The following PAFAH1B1 variants were observed in gnomAD, a reference collection of about 807,000 sequenced individuals.
The protein encoded by PAFAH1B1 is platelet-activating factor acetylhydrolase IB subunit beta.
In PAFAH1B1, 2 loss-of-function variants were observed where a neutral mutation model predicts 57.5. The ratio of observed to expected loss-of-function variants is 0.03; its 90% CI spans 0.01 to 0.11. PAFAH1B1 has a LOEUF of 0.11. PAFAH1B1 is among the 10% of genes least tolerant of loss of function. The probability of loss-of-function intolerance (pLI) is 1.00; values close to 1 mark genes in which losing one functional copy is unlikely to be tolerated. For missense variants in PAFAH1B1, 257 were observed against 512.0 expected (o/e 0.50, Z 4.81); for synonymous variants, 152 against 169.6 (o/e 0.90, Z 0.81).
At position 2,638,152 on chromosome 17, in the gene PAFAH1B1, G is replaced by T; in HGVS notation, c.-137G>T. 2 of 637,122 alleles carry T rather than the reference G, an allele frequency of 3.1e-6. No individual in the cohort carries two copies. The highest frequency in any genetic ancestry group is 2.9e-5 in the Admixed American group (1 of 34,222). 39.5% of individuals were successfully genotyped at this position (637,122 alleles called of 1,614,324 possible). On this transcript the variant is annotated 5_prime_UTR_variant, in exon 2 of 11. Coordinates refer to ENST00000397195, the MANE Select transcript of PAFAH1B1 (RefSeq NM_000430.4). ...TTCTGGTTACTAGTTGGATTCATTT[G>T]TGAAAGAATCATTTTCCCCTGTGTG... is the stretch of plus-strand genomic sequence containing the variant.
At chr17:2,676,790 G>A (rs1211821203) in intron 9 of PAFAH1B1, among the ~76,000 whole-genome samples, 184 bp downstream of exon 9, 1 of 152,178 alleles carries the variant, frequency 6.6e-6, no homozygotes, top group Admixed American at 6.5e-5. Flanking sequence ...TCTCTAGAAT[G>A]CAGATTCTAT....
At chr17:2,606,016 T>G (rs944214978) in intron 1 of PAFAH1B1, among the ~76,000 whole-genome samples, 1 of 152,224 alleles carries the variant, frequency 6.6e-6, no homozygotes, top group Non-Finnish European at 1.5e-5. Flanking sequence ...GAAATTATTC[T>G]TGAGCTGTAG....
At chr17:2,617,748 T>C (rs900798898) in intron 1 of PAFAH1B1, among the ~76,000 whole-genome samples, 5 of 151,664 alleles carry the variant, frequency 3.3e-5, no homozygotes, top group Admixed American at 6.6e-5. Flanking sequence ...TGAAACCCCC[T>C]GTCTCTACTA....
intron 1 of PAFAH1B1, among the ~76,000 whole-genome samples, chr17:2,630,167 C>CT (rs2068537827): frequency 6.6e-6 from 1 of 151,808 alleles, no homozygotes; most frequent in African/African-American, 2.4e-5. Context: ...TTGTTTTTTG[C>CT]TTTTGCTTTT....
At chr17:2,651,571 T>C (rs2068850008) in intron 2 of PAFAH1B1, among the ~76,000 whole-genome samples, 1 of 148,558 alleles carries the variant, frequency 6.7e-6, no homozygotes, top group South Asian at 2.1e-4. Flanking sequence ...GGTAACAGAG[T>C]GAGACTCCAT....
intron 1 of PAFAH1B1, among the ~76,000 whole-genome samples, chr17:2,596,695 A>C (rs2068087168): frequency 6.6e-6 from 1 of 152,178 alleles, no homozygotes; most frequent in Non-Finnish European, 1.5e-5. Context: ...GAAATGAGTA[A>C]GGTTGGGAAT....
At position 2,619,976 on chromosome 17, in the gene PAFAH1B1, A is replaced by T. The variant is rs190660345; in HGVS notation, c.-190-18123A>T. Among the ~76,000 whole-genome samples, 831 of 152,076 alleles carry T rather than the reference A, an allele frequency of 5.5e-3. 3 individuals carry two copies. The highest frequency in any genetic ancestry group is 0.017 in the Middle Eastern group (5 of 292). ...ATTTTTTTATTATTATTCTTTGTGG[A>T]GATGTGGTCTTGCTGTGTTGCCCAG... On this transcript the variant is annotated intron_variant, in intron 1 of 10. Transcript: ENST00000397195.
intron 5 of PAFAH1B1, chr17:2,667,529 C>T (rs755929777): frequency 6.1e-6 from 2 of 325,776 alleles, no homozygotes; most frequent in African/African-American, 4.4e-5. Flanking sequence ...TTGAGAAAGT[C>T]GGGTGTCACT....
At chr17:2,666,803 A>G (rs541479568) in intron 4 of PAFAH1B1, among the ~76,000 whole-genome samples, 189 bp from the exon 5 acceptor site, 30 of 152,330 alleles carry the variant, frequency 2.0e-4, no homozygotes, top group African/African-American at 5.8e-4. Flanking sequence ...TAGTTTCCTC[A>G]CATGACTTAG....
chr17:2,673,528 A>G (rs1472930710), intron 7 of PAFAH1B1: 2 of 157,572 alleles, frequency 1.3e-5, no homozygotes, highest in African/African-American at 2.4e-5. Flanking sequence ...AGTCCCAGCT[A>G]CTCGGGAGGC....
intron 1 of PAFAH1B1, chr17:2,635,341 C>T (rs887377154): frequency 3.3e-5 from 5 of 152,004 alleles, no homozygotes; most frequent in Non-Finnish European, 7.4e-5. Flanking sequence ...TCCTACTGTG[C>T]CAGTACTGTC....
At chr17:2,627,866 T>C (rs764308344) in intron 1 of PAFAH1B1, among the ~76,000 whole-genome samples, 14 of 152,232 alleles carry the variant, frequency 9.2e-5, no homozygotes, top group Non-Finnish European at 1.9e-4. Flanking sequence ...AGTTCTTGAT[T>C]TGATCCTCTG....
intron 8 of PAFAH1B1, among the ~76,000 whole-genome samples, chr17:2,675,453 C>T (rs539207613): frequency 5.9e-5 from 9 of 152,146 alleles, no homozygotes; most frequent in Middle Eastern, 3.4e-3. Context: ...TTTGATTGGC[C>T]CATTGCATTT....
At chr17:2,615,490 G>T (rs2068327473) in intron 1 of PAFAH1B1, among the ~76,000 whole-genome samples, 1 of 151,372 alleles carries the variant, frequency 6.6e-6, no homozygotes, top group Non-Finnish European at 1.5e-5. Context: ...GCCCAGCCTG[G>T]AGTGCAGTGG....
chr17:2,613,802 C>T, intron 1 of PAFAH1B1: 1 of 292,338 alleles, frequency 3.4e-6, no homozygotes, highest in Non-Finnish European at 7.0e-6. Flanking sequence ...GCTCCTGATG[C>T]CGGGCGAGCA....
chr17:2,684,740 C>G lies in PAFAH1B1; in HGVS notation c.*2938C>G, dbSNP rs1456175286. On this transcript the variant is annotated 3_prime_UTR_variant, in exon 11 of 11. Coordinates refer to ENST00000397195, the MANE Select transcript of PAFAH1B1 (RefSeq NM_000430.4). ...TGTGACCAATGGTGTGCCCAGAGCA[C>G]TACTCTCAAAATCACTAGTGTTAGC... 6.6e-6 allele frequency: 1 copy of G among 152,598 alleles called. No homozygotes were observed. The highest frequency in any genetic ancestry group is 1.5e-5 in the Non-Finnish European group (1 of 68,048). The allele number at this position is 152,598 out of a possible 1,614,324, so 9.5% of individuals were successfully genotyped here.
chr17:2,668,707 A>G (rs555860693), intron 5 of PAFAH1B1, among the ~76,000 whole-genome samples: 313 of 150,934 alleles, frequency 2.1e-3, no homozygotes, highest in Non-Finnish European at 3.0e-3. Flanking sequence ...TGGGCACGGT[A>G]GCTCATGCCT....
At position 2,638,209 on chromosome 17, in the gene PAFAH1B1, GTC is replaced by G. The variant is rs879055772; in HGVS notation, c.-79_-78del. On this transcript the variant is annotated 5_prime_UTR_variant, in exon 2 of 11. Transcript: ENST00000397195. Reference sequence around the variant, plus strand: ...ACTTAGTGGCATATTTAAATTATAAGTCCACGGATCAAAAAGCTTTTTGATTT... The same window carrying G: ...ACTTAGTGGCATATTTAAATTATAAGCACGGATCAAAAAGCTTTTTGATTT... 3 of 1,139,280 alleles carry G rather than the reference GTC, an allele frequency of 2.6e-6. No individual in the cohort carries two copies. The South Asian group carries it at 3.9e-5, about 15-fold the overall frequency. The allele number at this position is 1,139,280 out of a possible 1,614,324, so 70.6% of individuals were successfully genotyped here. A position where few individuals can be genotyped will look rare whatever the true frequency, so the allele number is the denominator to read the frequency against.
intron 1 of PAFAH1B1, among the ~76,000 whole-genome samples, chr17:2,624,911 A>G (rs1275575502): frequency 1.3e-5 from 2 of 152,188 alleles, no homozygotes; most frequent in Non-Finnish European, 2.9e-5. Context: ...ATAATTGATG[A>G]ATTACCGGAT....
Sources: gnomAD v4.1 joint callset for allele counts (sites outside exome capture counted in the v4.1 genomes callset) on GRCh38, gnomAD v4.1.1 for gene constraint, MANE v1.5 for transcripts, NCBI Gene and HGNC (gene_info 2026-07-23, HGNC 2026-07-21) for gene names.